ARHGAP11B: variants seen among roughly 807,000 people sequenced by gnomAD.
The protein encoded by ARHGAP11B is Rho GTPase activating protein 11B, also known as inactive Rho GTPase-activating protein 11B.
ARHGAP11B carries 14 observed loss-of-function variants against 27.6 expected under a neutral mutation model. The ratio of observed to expected loss-of-function variants is 0.51; its 90% CI spans 0.34 to 0.79. The LOEUF (loss-of-function observed/expected upper bound fraction) is 0.79, where lower values mean the gene tolerates loss of function less well. Among genes scored for constraint, ARHGAP11B ranks in the 30% least tolerant of loss-of-function variants. The probability of loss-of-function intolerance (pLI) is 0.02; values close to 1 mark genes in which losing one functional copy is unlikely to be tolerated. For synonymous variants in ARHGAP11B, 82 were observed against 114.1 expected (o/e 0.72, Z 1.80); for missense variants, 245 against 320.1 (o/e 0.77, Z 1.79).
In ARHGAP11B at chr15:30,632,968, G is replaced by C. The variant is rs544697579; in HGVS notation, c.201-522G>C. On this transcript the variant is annotated intron_variant, in intron 2 of 10. Transcript: ENST00000428041. ...GAATTTGAGAAGGAGCAGGCAGGGA[G>C]ATAGCAGGAAAACTAAAAGAGTAGT... is the stretch of plus-strand genomic sequence containing the variant. Among the ~76,000 whole-genome samples the C allele has an allele frequency of 1.3e-3, 204 of 151,214 alleles. 5 individuals are homozygous for C. The highest frequency in any genetic ancestry group is 0.012 in the South Asian group (57 of 4,764).
chr15:30,645,288 A>G (rs892961056), intron 8 of ARHGAP11B, among the ~76,000 whole-genome samples: 7 of 151,906 alleles, frequency 4.6e-5, no homozygotes, highest in African/African-American at 1.7e-4. Context: ...AAAATTATTC[A>G]TTGTGGCTAG....
intron 7 of ARHGAP11B, among the ~76,000 whole-genome samples, chr15:30,641,944 G>A (rs1367491449): frequency 1.3e-5 from 2 of 151,898 alleles, no homozygotes; most frequent in East Asian, 3.9e-4. Flanking sequence ...TTGAACTCCT[G>A]GCCTCAAGCA....
rs368697288 is a variant in ARHGAP11B at position 30,629,961 on chromosome 15, A to G, written c.130-742A>G. Among the ~76,000 whole-genome samples the G allele has an allele frequency of 3.9e-5, 6 of 152,256 alleles. 1 individual carries two copies. Among genetic ancestry groups the G allele is most frequent in the African/African-American group, 1.4e-4 (6 of 41,576 alleles). On this transcript the variant is annotated intron_variant, in intron 1 of 10. Coordinates refer to ENST00000428041, the Ensembl canonical transcript of ARHGAP11B. ...AAGAGGTTCGAATGCACGCACAAAG[A>G]TAGTGGCAGATTCTTTATTCTTCAG...
At chr15:30,646,319 T>C (rs1299707223) in intron 9 of ARHGAP11B, 9 of 701,990 alleles carry the variant, frequency 1.3e-5, no homozygotes, top group East Asian at 8.4e-5. Context: ...ACATGACTTA[T>C]GCATTTAAAT....
At chr15:30,632,329 G>A (rs1193293467) in intron 2 of ARHGAP11B, among the ~76,000 whole-genome samples, 1 of 145,866 alleles carries the variant, frequency 6.9e-6, no homozygotes, top group Non-Finnish European at 1.5e-5. Context: ...GCTGAGGTGG[G>A]AGGATCACTT....
At chr15:30,626,783 G>A (rs1389718464) in exon 1 of ARHGAP11B, 2 of 1,607,986 alleles carry the variant, frequency 1.2e-6, no homozygotes, top group South Asian at 1.1e-5. Flanking sequence ...CGAGGGTCAG[G>A]ACCTGCATCC....
intron 1 of ARHGAP11B, among the ~76,000 whole-genome samples, chr15:30,628,413 G>C (rs1164681394): frequency 6.6e-5 from 10 of 151,998 alleles, no homozygotes; most frequent in African/African-American, 2.4e-4. Flanking sequence ...ACTGTTGCCT[G>C]TTTTCAGAGT....
chr15:30,631,016 G>A (rs1175825154), intron 2 of ARHGAP11B, among the ~76,000 whole-genome samples: 1 of 151,762 alleles, frequency 6.6e-6, no homozygotes, highest in African/African-American at 2.4e-5. Flanking sequence ...AGGCTGCAGT[G>A]AGCCTTCTAG....
chr15:30,626,347 A>C, exon 1 of ARHGAP11B: 1 of 154,094 alleles, frequency 6.5e-6, no homozygotes. Context: ...CGGCCAGGCT[A>C]GGGCGGGGGC....
exon 9 of ARHGAP11B, chr15:30,646,129 T>G: frequency 3.9e-6 from 4 of 1,021,374 alleles, no homozygotes; most frequent in Non-Finnish European, 4.8e-6. Flanking sequence ...AAGTTATAAT[T>G]TCTGAAAGAC....
In ARHGAP11B at chr15:30,643,911, G is replaced by A. The variant is rs113115772; in HGVS notation, c.*79-728G>A. ...AAGATGCAGTATCTGGCTGTCCGAA[G>A]CTCATGGATCCAACTACATGGTTTC... On this transcript the variant is annotated intron_variant, in intron 7 of 10. Transcript: ENST00000428041. Among the ~76,000 whole-genome samples the A allele has an allele frequency of 5.8e-3, 889 of 152,110 alleles. 15 individuals are homozygous for A. The highest frequency in any genetic ancestry group is 0.02 in the African/African-American group (826 of 41,514).
intron 8 of ARHGAP11B, among the ~76,000 whole-genome samples, chr15:30,645,114 A>G (rs2060338974): frequency 6.6e-6 from 1 of 151,964 alleles, no homozygotes; most frequent in Non-Finnish European, 1.5e-5. Context: ...TAGGTGGTTC[A>G]TGACTGTGGA....
chr15:30,636,656 G>C (rs2060281604), intron 6 of ARHGAP11B, among the ~76,000 whole-genome samples: 2 of 152,164 alleles, frequency 1.3e-5, no homozygotes, highest in African/African-American at 2.4e-5. Context: ...TAAACCAACA[G>C]AAATTTGTCT....
chr15:30,636,843 T>C (rs2060282735), intron 6 of ARHGAP11B, among the ~76,000 whole-genome samples: 1 of 152,080 alleles, frequency 6.6e-6, no homozygotes, highest in Non-Finnish European at 1.5e-5. Flanking sequence ...ATGGTGTTGC[T>C]CTGTGTCAGA....
exon 1 of ARHGAP11B, chr15:30,626,847 G>C (rs1319386460): frequency 6.2e-7 from 1 of 1,613,712 alleles, no homozygotes; most frequent in Non-Finnish European, 8.5e-7. Context: ...TGGTGAAGTT[G>C]GCCCTGTTGC....
chr15:30,635,125 T>C, exon 5 of ARHGAP11B: 1 of 1,613,532 alleles, frequency 6.2e-7, no homozygotes, highest in South Asian at 1.1e-5. Flanking sequence ...CAGTAATATT[T>C]GCACCAAATC....
At chr15:30,639,850 C>T (rs1001088225) in intron 7 of ARHGAP11B, among the ~76,000 whole-genome samples, 1 of 151,826 alleles carries the variant, frequency 6.6e-6, no homozygotes, top group African/African-American at 2.4e-5. Flanking sequence ...CTATTCTGGG[C>T]ACAGTGCAAT....
chr15:30,635,294 C>CTA (rs2060272459), intron 5 of ARHGAP11B, 106 bp downstream of exon 5: 1 of 1,516,284 alleles, frequency 6.6e-7, no homozygotes, highest in Admixed American at 1.9e-5. Flanking sequence ...AGGAAAATCT[C>CTA]TGTTTCTTTC....
At chr15:30,640,669 T>C (rs1278020600) in intron 7 of ARHGAP11B, among the ~76,000 whole-genome samples, 2 of 151,946 alleles carry the variant, frequency 1.3e-5, no homozygotes, top group African/African-American at 2.4e-5. Context: ...ATCTGAGTTA[T>C]ATGAGTTCCT....
Sources: allele counts gnomAD v4.1 joint callset (sites outside exome capture counted in the v4.1 genomes callset), GRCh38; gene constraint gnomAD v4.1.1; transcripts MANE v1.5; gene names NCBI Gene and HGNC (gene_info 2026-07-23, HGNC 2026-07-21).